The following DPH6 variants were observed in gnomAD, a reference collection of about 807,000 sequenced individuals.
DPH6 encodes diphthamine biosynthesis 6.
Under a neutral mutation model 38.2 loss-of-function variants are expected in DPH6, and 33 were observed. That is an observed-to-expected ratio of 0.86 (90% CI 0.65 to 1.15). The LOEUF is 1.15. DPH6 is among the 50% of genes most tolerant of loss of function. The pLI is 0.00. For synonymous variants in DPH6, 108 were observed against 103.0 expected (o/e 1.05, Z -0.30); for missense variants, 325 against 320.0 (o/e 1.02, Z -0.12).
intron 5 of DPH6, among the ~76,000 whole-genome samples, chr15:35,424,025 G>C (rs772393213): frequency 1.1e-4 from 17 of 151,400 alleles, no homozygotes; most frequent in Non-Finnish European, 2.4e-4. Flanking sequence ...TCTTCCTAAA[G>C]ATTAATTTGG....
chr15:35,259,306 G>C (rs76103558), intron 3 of DPH6, among the ~76,000 whole-genome samples: 11 of 152,104 alleles, frequency 7.2e-5, no homozygotes, highest in Admixed American at 4.6e-4. Flanking sequence ...ACTTAAAGAA[G>C]AGAAGAAATG....
chr15:35,294,925 C>G (rs1279318183), intron 3 of DPH6, among the ~76,000 whole-genome samples: 1 of 152,298 alleles, frequency 6.6e-6, no homozygotes, highest in East Asian at 1.9e-4. Flanking sequence ...TGCAAAGGTC[C>G]TGTTGCATGG....
At chr15:35,490,255 T>C (rs189356696) in intron 3 of DPH6, 189 of 932,796 alleles carry the variant, frequency 2.0e-4, no homozygotes, top group Non-Finnish European at 2.4e-4. Flanking sequence ...GAAGACAGGC[T>C]GAATTGTCAG....
intron 3 of DPH6, among the ~76,000 whole-genome samples, chr15:35,297,359 G>T (rs1166405280): frequency 6.8e-6 from 1 of 147,550 alleles, no homozygotes; most frequent in Non-Finnish European, 1.5e-5. Flanking sequence ...AACCTATTAG[G>T]TTTTCATCTC....
intron 3 of DPH6, among the ~76,000 whole-genome samples, chr15:35,475,638 T>G (rs1366686283): frequency 6.6e-6 from 1 of 151,884 alleles, no homozygotes; most frequent in Non-Finnish European, 1.5e-5. Context: ...CTAAAGAAAT[T>G]GAAAATTATG....
the DPH6 span, among the ~76,000 whole-genome samples, chr15:35,193,416 G>T: frequency 6.6e-6 from 1 of 151,814 alleles, no homozygotes; most frequent in Non-Finnish European, 1.5e-5. Context: ...ATAATATTTA[G>T]ATTAACTTCT....
intron 4 of DPH6, among the ~76,000 whole-genome samples, chr15:35,453,808 C>T (rs1595378982): frequency 6.6e-6 from 1 of 151,980 alleles, no homozygotes; most frequent in South Asian, 2.1e-4. Flanking sequence ...AAAAATGAAA[C>T]AAGTGTTCAA....
chr15:35,435,100 A>C (rs1413953879), intron 5 of DPH6, among the ~76,000 whole-genome samples: 2 of 152,132 alleles, frequency 1.3e-5, no homozygotes, highest in East Asian at 3.9e-4. Flanking sequence ...GAGTTAAGTA[A>C]TACTGTATTG....
At chr15:35,347,253 TA>T (rs1285025012) in intron 3 of DPH6, among the ~76,000 whole-genome samples, 1 of 152,188 alleles carries the variant, frequency 6.6e-6, no homozygotes, top group Non-Finnish European at 1.5e-5. Context: ...TGTCTTTTTG[TA>T]ACTGGCTTTT....
the DPH6 span, among the ~76,000 whole-genome samples, chr15:35,175,227 C>A: frequency 4.6e-5 from 7 of 152,004 alleles, no homozygotes; most frequent in African/African-American, 1.7e-4. Context: ...AGTCATTTTA[C>A]CTGAAGTCGA....
chr15:35,274,274 G>C (rs1325234262), intron 3 of DPH6, among the ~76,000 whole-genome samples: 1 of 152,084 alleles, frequency 6.6e-6, no homozygotes, highest in Admixed American at 6.6e-5. Flanking sequence ...AAAGACTTAA[G>C]TGTAAAACCC....
intron 3 of DPH6, among the ~76,000 whole-genome samples, chr15:35,350,411 T>G (rs2052500093): frequency 6.6e-6 from 1 of 152,012 alleles, no homozygotes; most frequent in African/African-American, 2.4e-5. Flanking sequence ...TTTTTAAAAT[T>G]GTTTTTATTC....
chr15:35,316,828 CTA>C (rs1246358831), intron 3 of DPH6, among the ~76,000 whole-genome samples: 2 of 152,276 alleles, frequency 1.3e-5, no homozygotes, highest in Non-Finnish European at 2.9e-5. Context: ...AATGGCAAAA[CTA>C]TACATTATCT....
At chr15:35,175,047 G>A in the DPH6 span, among the ~76,000 whole-genome samples, 9 of 152,056 alleles carry the variant, frequency 5.9e-5, no homozygotes, top group East Asian at 9.7e-4. Flanking sequence ...TGGCTGTTTC[G>A]TTTTTGTAGA....
At chr15:35,472,769 T>C (rs2054214212) in intron 3 of DPH6, among the ~76,000 whole-genome samples, 1 of 152,112 alleles carries the variant, frequency 6.6e-6, no homozygotes, top group African/African-American at 2.4e-5. Context: ...CAGCAAATTA[T>C]TCAACAAATA....
intron 3 of DPH6, among the ~76,000 whole-genome samples, chr15:35,226,222 A>C (rs749264210): frequency 1.1e-4 from 16 of 152,224 alleles, no homozygotes; most frequent in Non-Finnish European, 2.2e-4. Flanking sequence ...GGTTTTCTGC[A>C]ATCTGGAACA....
At chr15:35,264,096 GTTT>G (rs35083341) in intron 3 of DPH6, among the ~76,000 whole-genome samples, 1 of 146,668 alleles carries the variant, frequency 6.8e-6, no homozygotes, top group Non-Finnish European at 1.5e-5. Flanking sequence ...TTTAAGCCTT[GTTT>G]TTTTTTTTAA....
intron 3 of DPH6, among the ~76,000 whole-genome samples, chr15:35,485,042 A>C (rs1048038018): frequency 6.6e-6 from 1 of 152,230 alleles, no homozygotes; most frequent in South Asian, 2.1e-4. Flanking sequence ...CACATCCCAG[A>C]TACTGTTCTA....
chr15:35,410,880 C>T lies in DPH6; in HGVS notation c.522G>A (p.Lys174=). ...KVAALGLDPD[K]HLGKTLDQME... is the part of the protein sequence containing the mutation. ...TTTGATCCAGGGTTTTCCCAAGATG[C>T]TTATCAGGATCTAAACCTGCCAAGA... Residue 174 remains lysine, a synonymous_variant, in exon 6 of 9, where the codon AAG becomes AAA. Coordinates refer to ENST00000256538, the MANE Select transcript of DPH6 (RefSeq NM_080650.4). 1 of 1,603,868 alleles carries T rather than the reference C, an allele frequency of 6.2e-7. No homozygotes were observed. The highest frequency in any genetic ancestry group is 8.5e-7 in the Non-Finnish European group (1 of 1,174,960).
Sources: gnomAD v4.1 joint callset for allele counts (sites outside exome capture counted in the v4.1 genomes callset) on GRCh38, gnomAD v4.1.1 for gene constraint, MANE v1.5 for transcripts, NCBI Gene and HGNC (gene_info 2026-07-23, HGNC 2026-07-21) for gene names.